The following MTA3 variants were observed in gnomAD, a reference collection of about 807,000 sequenced individuals.
MTA3 encodes the protein metastasis associated 1 family member 3.
In MTA3, 34 loss-of-function variants were observed where a neutral mutation model predicts 83.5. That is an observed-to-expected ratio of 0.41 (90% CI 0.31 to 0.54). MTA3 has a LOEUF of 0.54. Among genes scored for constraint, MTA3 ranks in the 20% least tolerant of loss-of-function variants. The pLI is 0.33. For synonymous variants in MTA3, 303 were observed against 252.7 expected, an observed-to-expected ratio of 1.20 and a Z score of -1.89; for missense variants, 761 against 726.4, an observed-to-expected ratio of 1.05 and a Z score of -0.55.
intron 14 of MTA3, among the ~76,000 whole-genome samples, chr2:42,710,474 C>T (rs1481547470): frequency 6.7e-6 from 1 of 149,286 alleles, no homozygotes; most frequent in Non-Finnish European, 1.5e-5. Flanking sequence ...TTGCTTTAAA[C>T]CGGGAGGCAG....
chr2:42,548,863 T>TATATATATATA (rs1558428456), intron 2 of MTA3, among the ~76,000 whole-genome samples: 376 of 11,660 alleles, frequency 0.032, 19 homozygotes, highest in Admixed American at 0.036. Flanking sequence ...ATATATAATA[T>TATATATATATA]ATATATATAT....
At chr2:42,505,783 T>C (rs1674603019) in intron 2 of MTA3, among the ~76,000 whole-genome samples, 1 of 151,196 alleles carries the variant, frequency 6.6e-6, no homozygotes, top group South Asian at 2.1e-4. Flanking sequence ...TTTTTTTTTT[T>C]TTTGAGATGG....
intron 6 of MTA3, among the ~76,000 whole-genome samples, chr2:42,653,432 T>C (rs1688889994): frequency 6.6e-6 from 1 of 152,224 alleles, no homozygotes; most frequent in Admixed American, 6.5e-5. Flanking sequence ...AACTTAATTA[T>C]AAAAATTCTA....
Position 42,640,173 on chromosome 2 carries a change from G to A in MTA3, c.318G>A (p.Arg106=), listed in dbSNP as rs1390871409. The A allele has an allele frequency of 6.2e-7, 1 of 1,601,798 alleles. No individual in the cohort carries two copies. Among genetic ancestry groups the A allele is most frequent in the Non-Finnish European group, 8.5e-7 (1 of 1,175,036 alleles). ...QYESLPATHI[R]GKCSVALLNE... ...TTATTCTTTTTTTCTTTTTCAACAG[G>A]GGAAAGTGCAGTGTTGCCCTTCTGA... The change falls in exon 5 of 17, where the codon AGG becomes AGA. Residue 106 remains arginine, a splice_region_variant and synonymous_variant. Coordinates refer to ENST00000405094, the MANE Select transcript of MTA3 (RefSeq NM_001330442.2).
chr2:42,559,813 G>C (rs62144834), intron 2 of MTA3, among the ~76,000 whole-genome samples: 1 of 139,046 alleles, frequency 7.2e-6, no homozygotes, highest in Non-Finnish European at 1.6e-5. Context: ...GGCGGGGGGC[G>C]GGCAGGGGGG....
intron 2 of MTA3, among the ~76,000 whole-genome samples, chr2:42,505,194 C>T (rs190744568): frequency 1.1e-3 from 161 of 152,194 alleles, no homozygotes; most frequent in African/African-American, 3.7e-3. Context: ...GAGATTGAGG[C>T]ATCCTGGCTA....
chr2:42,556,231 T>A (rs1171366029), intron 2 of MTA3, among the ~76,000 whole-genome samples: 1 of 152,142 alleles, frequency 6.6e-6, no homozygotes, highest in Non-Finnish European at 1.5e-5. Flanking sequence ...TCTCCCCTCC[T>A]GTACTCCTAC....
chr2:42,610,125 A>C (rs909077035), intron 4 of MTA3, among the ~76,000 whole-genome samples: 6 of 152,170 alleles, frequency 3.9e-5, no homozygotes, highest in African/African-American at 1.4e-4. Context: ...AAAAACAATA[A>C]GACAATAAAA....
At chr2:42,676,763 C>T (rs1558572102) in intron 8 of MTA3, among the ~76,000 whole-genome samples, 1 of 152,074 alleles carries the variant, frequency 6.6e-6, no homozygotes, top group Non-Finnish European at 1.5e-5. Context: ...GAGACCCTGT[C>T]TCCAAAGAAA....
chr2:42,555,344 A>G (rs1440264842), intron 2 of MTA3, among the ~76,000 whole-genome samples: 1 of 148,170 alleles, frequency 6.7e-6, no homozygotes, highest in Non-Finnish European at 1.5e-5. Context: ...AATCCCAGCT[A>G]CTCGGGAGGC....
intron 4 of MTA3, among the ~76,000 whole-genome samples, chr2:42,631,941 T>C (rs1396708897): frequency 1.3e-5 from 2 of 151,904 alleles, no homozygotes; most frequent in African/African-American, 4.8e-5. Context: ...CCACCCACCT[T>C]GGCCTCCCAA....
chr2:42,521,698 C>G (rs967068810), intron 2 of MTA3, among the ~76,000 whole-genome samples: 3 of 150,884 alleles, frequency 2.0e-5, no homozygotes, highest in Non-Finnish European at 4.4e-5. Flanking sequence ...CTTTGTCAGA[C>G]TGGCTAATCT....
chr2:42,656,390 T>G (rs1689174421), intron 7 of MTA3, 88 bp downstream of exon 7: 2 of 736,700 alleles, frequency 2.7e-6, no homozygotes, highest in South Asian at 5.3e-5. Context: ...CTTTGTATTC[T>G]GCTTTTCTCC....
At chr2:42,642,413 T>C (rs1687774693) in intron 5 of MTA3, among the ~76,000 whole-genome samples, 1 of 152,016 alleles carries the variant, frequency 6.6e-6, no homozygotes. Context: ...CCCAGCACTT[T>C]GGGAGGTTGA....
At chr2:42,653,153 A>C (rs1457396764) in intron 6 of MTA3, among the ~76,000 whole-genome samples, 1 of 152,238 alleles carries the variant, frequency 6.6e-6, no homozygotes, top group Admixed American at 6.5e-5. Context: ...CGAAGCAAAA[A>C]TAGGAAGCTG....
intron 2 of MTA3, among the ~76,000 whole-genome samples, chr2:42,497,738 C>T (rs1674212424): frequency 6.6e-6 from 1 of 152,306 alleles, no homozygotes; most frequent in South Asian, 2.1e-4. Context: ...ATAATACCTA[C>T]ATCCAAAGGG....
intron 8 of MTA3, among the ~76,000 whole-genome samples, chr2:42,660,593 A>C (rs916154663): frequency 6.6e-6 from 1 of 152,174 alleles, no homozygotes; most frequent in Non-Finnish European, 1.5e-5. Flanking sequence ...TGCTGATTGA[A>C]GTTACTTACT....
At chr2:42,570,869 C>G (rs951004644) in intron 2 of MTA3, among the ~76,000 whole-genome samples, 17 of 151,488 alleles carry the variant, frequency 1.1e-4, no homozygotes, top group African/African-American at 4.1e-4. Context: ...AAAAAATAGT[C>G]GGGCATGGTG....
At chr2:42,625,746 CAAAAAAA>C (rs58956321) in intron 4 of MTA3, among the ~76,000 whole-genome samples, 2 of 51,226 alleles carry the variant, frequency 3.9e-5, no homozygotes, top group East Asian at 1.2e-3. Context: ...GACTCCATCT[CAAAAAAA>C]AAAAAAAAAA....
Sources: allele counts gnomAD v4.1 joint callset (sites outside exome capture counted in the v4.1 genomes callset), GRCh38; gene constraint gnomAD v4.1.1; transcripts MANE v1.5; gene names NCBI Gene and HGNC (gene_info 2026-07-23, HGNC 2026-07-21).